Variants in PDGFD observed in about 807,000 individuals in gnomAD.
PDGFD encodes the protein platelet derived growth factor D.
PDGFD carries 30 observed loss-of-function variants against 44.7 expected under a neutral mutation model. That is an observed-to-expected ratio of 0.67 (90% CI 0.50 to 0.91). The LOEUF is 0.91. PDGFD is among the 40% of genes least tolerant of loss of function. The pLI is 0.00. For synonymous variants in PDGFD, 173 were observed against 168.4 expected (o/e 1.03, Z -0.21); for missense variants, 445 against 457.8 (o/e 0.97, Z 0.25).
rs369318606 is a variant in PDGFD at position 103,998,487 on chromosome 11, C to T, written c.329+1564G>A. Among the ~76,000 whole-genome samples the T allele has an allele frequency of 2.2e-4, 33 of 152,260 alleles. No individual in the cohort carries two copies. In the South Asian group the frequency reaches 5.8e-3, roughly 27 times the overall value. On this transcript the variant is annotated intron_variant, in intron 2 of 6. Coordinates refer to ENST00000393158, the MANE Select transcript of PDGFD (RefSeq NM_025208.5). ...GGCTGGTGAATACATCCAGGTGTTT[C>T]GAAGGTTGCAAACCCAGAGAAAGCA...
intron 1 of PDGFD, chr11:104,037,060 G>A (rs1860253849): frequency 6.2e-7 from 1 of 1,614,258 alleles, no homozygotes; most frequent in East Asian, 2.2e-5. Context: ...GAAGGACAAT[G>A]TGGGACCTCG....
intron 1 of PDGFD, among the ~76,000 whole-genome samples, chr11:104,158,750 G>A (rs990984067): frequency 1.3e-4 from 19 of 151,748 alleles, no homozygotes; most frequent in African/African-American, 3.6e-4. Flanking sequence ...GGAGAATGGC[G>A]TGAACCGGGA....
chr11:104,047,660 ATTCT>A lies in PDGFD; in HGVS notation c.125-47409_125-47406del, dbSNP rs547513689. 6.8e-5 allele frequency among the ~76,000 whole-genome samples: 10 copies of A among 147,382 alleles called. No homozygotes were observed. The East Asian group carries it at 1.8e-3, about 26-fold the overall frequency. ...AAGACTACTGAGAATATGCTTTTAA[ATTCT>A]TTCTACTTTTGAAAAAATTATAAAC... On this transcript the variant is annotated intron_variant, in intron 1 of 6. Coordinates refer to ENST00000393158, the MANE Select transcript of PDGFD (RefSeq NM_025208.5).
chr11:103,991,938 C>G (rs1859460328), intron 3 of PDGFD, among the ~76,000 whole-genome samples: 1 of 152,152 alleles, frequency 6.6e-6, no homozygotes, highest in African/African-American at 2.4e-5. Context: ...ACACCATCTA[C>G]CGGGGGGAGC....
At chr11:104,057,916 G>A (rs1860647771) in intron 1 of PDGFD, among the ~76,000 whole-genome samples, 1 of 152,040 alleles carries the variant, frequency 6.6e-6, no homozygotes. Flanking sequence ...AATTTAATGC[G>A]GAAAGATTAG....
chr11:104,099,280 G>A (rs1416237845), intron 1 of PDGFD, among the ~76,000 whole-genome samples: 1 of 152,160 alleles, frequency 6.6e-6, no homozygotes, highest in Non-Finnish European at 1.5e-5. Flanking sequence ...TCAAAGTTTA[G>A]ATATCTATCC....
chr11:103,941,097 TA>T (rs1361189454), intron 5 of PDGFD, among the ~76,000 whole-genome samples: 1 of 152,082 alleles, frequency 6.6e-6, no homozygotes, highest in Non-Finnish European at 1.5e-5. Flanking sequence ...ATCTCTAAAG[TA>T]GTGTTTCTTG....
chr11:104,048,178 A>G, intron 1 of PDGFD, among the ~76,000 whole-genome samples: 1 of 152,116 alleles, frequency 6.6e-6, no homozygotes, highest in East Asian at 1.9e-4. Flanking sequence ...CAGGCATTCA[A>G]AAGCTCTCAA....
intron 1 of PDGFD, among the ~76,000 whole-genome samples, chr11:104,070,449 G>A (rs1860857336): frequency 6.6e-6 from 1 of 152,148 alleles, no homozygotes; most frequent in South Asian, 2.1e-4. Flanking sequence ...AAAAAATAGA[G>A]ATATATTTGC....
chr11:104,119,587 A>C (rs1861731670), intron 1 of PDGFD, among the ~76,000 whole-genome samples: 1 of 94,354 alleles, frequency 1.1e-5, no homozygotes, highest in Non-Finnish European at 1.8e-5. Context: ...TAATATATTG[A>C]TATAATATAT....
intron 1 of PDGFD, among the ~76,000 whole-genome samples, chr11:104,040,069 C>A (rs1326675507): frequency 1.3e-5 from 2 of 152,128 alleles, no homozygotes; most frequent in Non-Finnish European, 2.9e-5. Flanking sequence ...TGTCCCATAA[C>A]TTCCAGTAAG....
chr11:104,055,009 C>T (rs1449326814), intron 1 of PDGFD, among the ~76,000 whole-genome samples: 3 of 152,142 alleles, frequency 2.0e-5, no homozygotes, highest in Non-Finnish European at 4.4e-5. Context: ...ATCTGGCATA[C>T]AGAAGTTTAT....
chr11:103,935,800 C>T (rs1263448070), intron 5 of PDGFD, among the ~76,000 whole-genome samples: 1 of 152,102 alleles, frequency 6.6e-6, no homozygotes, highest in Non-Finnish European at 1.5e-5. Flanking sequence ...TTACCTAATC[C>T]TAACACAAAT....
chr11:104,163,841 G>C lies in PDGFD; in HGVS notation c.87C>G (p.Ser29=), dbSNP rs1455830817. 6.4e-7 allele frequency: 1 copy of C among 1,572,346 alleles called. No homozygotes were observed. Among genetic ancestry groups the C allele is most frequent in the Admixed American group, 1.7e-5 (1 of 58,674 alleles). The stretch of plus-strand genomic sequence containing the variant: ...GGTTGGCGTTGCGCAAAGCTTTGAT[G>C]GATGCGCTCTGCGGGGTTGCAGAAG... The part of the protein sequence containing the change: ...RDTSATPQSA[S]IKALRNANLR... Residue 29 remains serine, a synonymous_variant, in exon 1 of 7, where the codon TCC becomes TCG. Coordinates refer to ENST00000393158, the MANE Select transcript of PDGFD (RefSeq NM_025208.5).
intron 1 of PDGFD, among the ~76,000 whole-genome samples, chr11:104,104,049 T>G (rs1459590070): frequency 6.6e-6 from 1 of 152,082 alleles, no homozygotes; most frequent in East Asian, 1.9e-4. Flanking sequence ...TTGATGATCC[T>G]GACCCTGTGC....
At chr11:103,914,020 A>T (rs61904745) in intron 6 of PDGFD, among the ~76,000 whole-genome samples, 78 of 45,046 alleles carry the variant, frequency 1.7e-3, no homozygotes, top group Middle Eastern at 0.012. Context: ...AGTAGGGGTC[A>T]GGGGGCAACT....
chr11:103,978,983 C>T (rs916783232), intron 3 of PDGFD, among the ~76,000 whole-genome samples: 4 of 152,014 alleles, frequency 2.6e-5, no homozygotes, highest in African/African-American at 9.7e-5. Context: ...AACAAGGCAG[C>T]ACATCAGAAT....
chr11:104,127,385 T>C (rs1036471696), intron 1 of PDGFD, among the ~76,000 whole-genome samples: 1 of 152,060 alleles, frequency 6.6e-6, no homozygotes, highest in Admixed American at 6.6e-5. Context: ...GATTCTAATA[T>C]GCAACAAGTC....
At chr11:104,095,451 C>A (rs1861271040) in intron 1 of PDGFD, among the ~76,000 whole-genome samples, 1 of 152,066 alleles carries the variant, frequency 6.6e-6, no homozygotes, top group Admixed American at 6.6e-5. Context: ...AAGTAGGAGG[C>A]TGGAGGGAGA....
Sources: gnomAD v4.1 joint callset for allele counts (sites outside exome capture counted in the v4.1 genomes callset) on GRCh38, gnomAD v4.1.1 for gene constraint, MANE v1.5 for transcripts, NCBI Gene and HGNC (gene_info 2026-07-23, HGNC 2026-07-21) for gene names.